ATP8A2: variants seen among roughly 807,000 people sequenced by gnomAD.
The protein encoded by ATP8A2 is phospholipid-transporting ATPase IB.
A neutral mutation model predicts 165.6 loss-of-function variants in ATP8A2; 100 were observed. The observed-to-expected ratio is 0.60, with a 90% confidence interval of 0.51 to 0.71. The LOEUF is 0.71. ATP8A2 is among the 30% of genes least tolerant of loss of function. ATP8A2 has a pLI of 0.00. For missense variants in ATP8A2, 1,227 were observed against 1,479.5 expected (o/e 0.83, Z 2.80); for synonymous variants, 543 against 548.8 (o/e 0.99, Z 0.15).
rs140289473 is a variant in ATP8A2 at position 25,692,844 on chromosome 13, G to A, written c.2212-6329G>A. ...CTGGGGAAAAAGGTAGGGGACAGTC[G>A]TCAGTAGCAGTCACTCACTTTCGAC... On this transcript the variant is annotated intron_variant, in intron 24 of 36. Coordinates refer to ENST00000381655, the MANE Select transcript of ATP8A2 (RefSeq NM_016529.6). Among the ~76,000 whole-genome samples the A allele has an allele frequency of 3.5e-3, 530 of 152,324 alleles. 4 individuals are homozygous for A. The highest frequency in any genetic ancestry group is 0.011 in the African/African-American group (463 of 41,572).
chr13:25,779,548 T>G (rs971845825), intron 27 of ATP8A2, among the ~76,000 whole-genome samples: 3 of 152,186 alleles, frequency 2.0e-5, no homozygotes, highest in African/African-American at 4.8e-5. Context: ...GTCGGAGTAG[T>G]ATTGCCATTG....
intron 24 of ATP8A2, among the ~76,000 whole-genome samples, chr13:25,673,253 A>C (rs1031705119): frequency 2.0e-5 from 3 of 152,186 alleles, no homozygotes; most frequent in Non-Finnish European, 4.4e-5. Context: ...TGCAGACACT[A>C]TAACAGCGAA....
chr13:25,943,680 A>G (rs988591234), intron 33 of ATP8A2, among the ~76,000 whole-genome samples: 21 of 152,232 alleles, frequency 1.4e-4, no homozygotes, highest in African/African-American at 3.9e-4. Flanking sequence ...CTCTGCCTGT[A>G]TGATTTGAAA....
intron 33 of ATP8A2, among the ~76,000 whole-genome samples, chr13:25,922,456 G>A (rs2139036523): frequency 6.6e-6 from 1 of 152,302 alleles, no homozygotes; most frequent in East Asian, 1.9e-4. Flanking sequence ...ACAAATAGAA[G>A]GAAGTTGACA....
chr13:25,754,336 G>A (rs564071842), intron 25 of ATP8A2, among the ~76,000 whole-genome samples: 1 of 152,056 alleles, frequency 6.6e-6, no homozygotes, highest in South Asian at 2.1e-4. Flanking sequence ...AGCATTTGTC[G>A]TTACAGGAAG....
intron 1 of ATP8A2, among the ~76,000 whole-genome samples, chr13:25,424,845 C>G (rs755432503): frequency 6.6e-6 from 1 of 152,096 alleles, no homozygotes; most frequent in African/African-American, 2.4e-5. Context: ...GTAGTTCCAG[C>G]TACTTGGGAG....
intron 1 of ATP8A2, among the ~76,000 whole-genome samples, chr13:25,399,306 C>T (rs2033539824): frequency 1.3e-5 from 2 of 150,970 alleles, no homozygotes; most frequent in Admixed American, 6.6e-5. Context: ...CTCACAAATT[C>T]TCAGGGGATG....
intron 35 of ATP8A2, among the ~76,000 whole-genome samples, chr13:25,972,514 G>A (rs953905046): frequency 6.6e-6 from 1 of 152,206 alleles, no homozygotes; most frequent in Non-Finnish European, 1.5e-5. Context: ...ACGATGTGGT[G>A]TTTGTGCGCC....
At chr13:25,638,766 A>T (rs921417178) in intron 24 of ATP8A2, among the ~76,000 whole-genome samples, 2 of 152,134 alleles carry the variant, frequency 1.3e-5, no homozygotes, top group Admixed American at 1.3e-4. Flanking sequence ...TGCCACAAAG[A>T]TACTCCTCCA....
At chr13:25,868,007 G>A (rs554036547) in intron 33 of ATP8A2, 6 of 391,520 alleles carry the variant, frequency 1.5e-5, no homozygotes, top group East Asian at 7.7e-5. Flanking sequence ...AGCCAGCCTC[G>A]AAGCCCATCC....
rs1412147241 is a variant in ATP8A2 at position 25,372,196 on chromosome 13, C to T, written c.-17C>T. The T allele has an allele frequency of 7.0e-7, 1 of 1,423,118 alleles. No homozygotes were observed. The highest frequency in any genetic ancestry group is 9.3e-7 in the Non-Finnish European group (1 of 1,076,646). 88.2% of individuals were successfully genotyped at this position (1,423,118 alleles called of 1,614,324 possible). A position where few individuals can be genotyped will look rare whatever the true frequency, so the allele number is the denominator to read the frequency against. On this transcript the variant is annotated 5_prime_UTR_variant, in exon 1 of 37. Transcript: ENST00000381655. The surrounding 1 kb of genome is among the most constrained non-coding windows in gnomAD (Gnocchi z 4.8). ...CCGTCTCTCGCCCGGGGCCGCCGAG[C>T]CCCCGACACGGGCGAGATGCTGAAC...
At chr13:25,925,596 C>T (rs1954580457) in intron 33 of ATP8A2, among the ~76,000 whole-genome samples, 1 of 151,472 alleles carries the variant, frequency 6.6e-6, no homozygotes, top group African/African-American at 2.4e-5. Context: ...GAACTAGTTG[C>T]TGAGAATGTA....
At chr13:25,494,098 A>G (rs967614377) in intron 2 of ATP8A2, among the ~76,000 whole-genome samples, 17 of 151,898 alleles carry the variant, frequency 1.1e-4, no homozygotes, top group African/African-American at 3.9e-4. Context: ...AGGAGAGAGA[A>G]CGGTTGGAAC....
At chr13:25,820,514 C>T (rs1309673650) in intron 27 of ATP8A2, among the ~76,000 whole-genome samples, 3 of 152,158 alleles carry the variant, frequency 2.0e-5, no homozygotes, top group African/African-American at 7.2e-5. Flanking sequence ...TATAAGCAAG[C>T]CACCATCCAA....
intron 9 of ATP8A2, among the ~76,000 whole-genome samples, chr13:25,542,727 A>G (rs547372594): frequency 4.0e-4 from 61 of 152,256 alleles, no homozygotes; most frequent in African/African-American, 1.4e-3. Flanking sequence ...AAATATGACA[A>G]CTAAGTGTGA....
intron 24 of ATP8A2, among the ~76,000 whole-genome samples, chr13:25,675,894 A>G (rs2042362460): frequency 6.6e-6 from 1 of 152,172 alleles, no homozygotes; most frequent in Admixed American, 6.6e-5. Context: ...GATTCATGTT[A>G]TAGAAACCAA....
chr13:25,480,278 G>C (rs1298739673), intron 2 of ATP8A2, among the ~76,000 whole-genome samples: 2 of 150,350 alleles, frequency 1.3e-5, no homozygotes, highest in Non-Finnish European at 3.0e-5. Context: ...CGGACGGGGC[G>C]GCTGGCCGGG....
intron 33 of ATP8A2, among the ~76,000 whole-genome samples, chr13:25,950,227 G>GTGGAGAA (rs1425564502): frequency 6.6e-6 from 1 of 152,204 alleles, no homozygotes; most frequent in Admixed American, 6.5e-5. Flanking sequence ...GTCACGACCT[G>GTGGAGAA]TGGAGAATGG....
At chr13:25,542,659 A>G (rs1012248819) in intron 9 of ATP8A2, among the ~76,000 whole-genome samples, 2 of 152,008 alleles carry the variant, frequency 1.3e-5, no homozygotes, top group Non-Finnish European at 1.5e-5. Flanking sequence ...TGTCCTTTAT[A>G]TTTTGACGAC....
Sources: allele counts gnomAD v4.1 joint callset (sites outside exome capture counted in the v4.1 genomes callset), GRCh38; gene constraint gnomAD v4.1.1; non-coding constraint Gnocchi (gnomAD v3.1); transcripts MANE v1.5; gene names NCBI Gene and HGNC (gene_info 2026-07-23, HGNC 2026-07-21).